Variants in SLC35A3 observed in about 807,000 individuals in gnomAD.
SLC35A3 encodes UDP-N-acetylglucosamine transporter.
A neutral mutation model predicts 39.0 loss-of-function variants in SLC35A3; 26 were observed. That is an observed-to-expected ratio of 0.67 (90% CI 0.49 to 0.92). The LOEUF (loss-of-function observed/expected upper bound fraction) is 0.92. Ranked by LOEUF, SLC35A3 falls within the 40% of genes least tolerant of loss-of-function variation. The probability of loss-of-function intolerance (pLI) is 0.00; values close to 1 mark genes in which losing one functional copy is unlikely to be tolerated. For missense variants in SLC35A3, 299 were observed against 371.6 expected, an observed-to-expected ratio of 0.80 and a Z score of 1.61; for synonymous variants, 135 against 133.1, an observed-to-expected ratio of 1.01 and a Z score of -0.10.
At chr1:100,015,475 G>C (rs761755395) in intron 6 of SLC35A3, 55 bp downstream of exon 6, 2 of 1,536,526 alleles carry the variant, frequency 1.3e-6, no homozygotes, top group Admixed American at 2.1e-5. Flanking sequence ...TTAATATAAA[G>C]AATCAAAGTA....
chr1:100,016,602 T>C (rs1186689793), intron 6 of SLC35A3, among the ~76,000 whole-genome samples: 2 of 151,482 alleles, frequency 1.3e-5, no homozygotes, highest in African/African-American at 2.4e-5. Context: ...TTTGATCTCC[T>C]GGCCTTGTGA....
At chr1:99,973,121 T>C (rs1164508584) in intron 1 of SLC35A3, among the ~76,000 whole-genome samples, 1 of 152,218 alleles carries the variant, frequency 6.6e-6, no homozygotes, top group Non-Finnish European at 1.5e-5. Context: ...CCATGAAATA[T>C]AACTTTTGAG....
rs1660862589 is a variant in SLC35A3 at position 100,025,534 on chromosome 1, A to G, written c.*3058A>G. 6.6e-6 allele frequency: 1 copy of G among 152,190 alleles called. No individual in the cohort carries two copies. The highest frequency in any genetic ancestry group is 2.1e-4 in the South Asian group (1 of 4,830). 9.4% of individuals were successfully genotyped at this position (152,190 alleles called of 1,614,324 possible). ...AAGCACAATTTTATTAGACAGGCATAATTTACATTTTGCTTTTCTAGTGGG... is the reference window on the plus strand; with the variant it reads ...AAGCACAATTTTATTAGACAGGCATGATTTACATTTTGCTTTTCTAGTGGG... On this transcript the variant is annotated 3_prime_UTR_variant, in exon 8 of 8. Transcript: ENST00000533028.
At chr1:99,973,690 T>C (rs973720183) in intron 1 of SLC35A3, among the ~76,000 whole-genome samples, 14 of 152,124 alleles carry the variant, frequency 9.2e-5, no homozygotes, top group African/African-American at 3.4e-4. Context: ...GTATGCTAGG[T>C]CAGGAAGCAT....
At chr1:99,973,639 A>G (rs1656938718) in intron 1 of SLC35A3, among the ~76,000 whole-genome samples, 1 of 152,230 alleles carries the variant, frequency 6.6e-6, no homozygotes, top group African/African-American at 2.4e-5. Context: ...CCAGTTTAAA[A>G]TAAGTTGCTG....
rs1570640619 is a variant in SLC35A3 at position 100,030,868 on chromosome 1, G to C, written c.*8392G>C. 1 of 152,198 alleles carries C rather than the reference G, an allele frequency of 6.6e-6. No homozygotes were observed. Among genetic ancestry groups the C allele is most frequent in the East Asian group, 1.9e-4 (1 of 5,186 alleles). 9.4% of individuals were successfully genotyped at this position (152,198 alleles called of 1,614,324 possible). On this transcript the variant is annotated 3_prime_UTR_variant, in exon 8 of 8. Transcript: ENST00000533028. ...TGCTTCAATAGGTCTTTTAAATATA[G>C]CCAAGGCAGGGTAATATTTCCTGAG...
At position 100,024,728 on chromosome 1, in the gene SLC35A3, C is replaced by T; in HGVS notation, c.*2252C>T. The T allele has an allele frequency of 2.5e-6, 1 of 395,492 alleles. No individual in the cohort carries two copies. The highest frequency in any genetic ancestry group is 4.4e-6 in the Non-Finnish European group (1 of 225,044). The allele number at this position is 395,492 out of a possible 1,614,324, so 24.5% of individuals were successfully genotyped here. ...CCCACTCCCTGGTTCAAGGGATTCT[C>T]CTGCCTCAGCCTCTGAGTAGCTGGG... is the stretch of plus-strand genomic sequence containing the variant. On this transcript the variant is annotated 3_prime_UTR_variant, in exon 8 of 8. Transcript: ENST00000533028.
chr1:99,986,257 C>T (rs905578416), intron 1 of SLC35A3, among the ~76,000 whole-genome samples: 5 of 151,048 alleles, frequency 3.3e-5, no homozygotes, highest in African/African-American at 9.7e-5. Flanking sequence ...CTCGACCTCC[C>T]GAGCTCAAGT....
In SLC35A3 at chr1:100,020,772, A is replaced by G. The variant is rs555473103; in HGVS notation, c.888-1614A>G. 2.0e-5 allele frequency among the ~76,000 whole-genome samples: 3 copies of G among 152,238 alleles called. No homozygotes were observed. The South Asian group carries it at 6.2e-4, about 32-fold the overall frequency. On this transcript the variant is annotated intron_variant, in intron 7 of 7. Transcript: ENST00000533028. ...TAGGGGAGTGAGTCTTGGAGACATT[A>G]GACCTGAATTATTATGAATAAGCAT...
chr1:99,971,313 T>G (rs544802904), intron 1 of SLC35A3, among the ~76,000 whole-genome samples: 1 of 150,882 alleles, frequency 6.6e-6, no homozygotes, highest in East Asian at 1.9e-4. Context: ...TATGATTCTT[T>G]TTTTTTTTTT....
intron 1 of SLC35A3, among the ~76,000 whole-genome samples, chr1:99,985,340 T>C (rs1657686624): frequency 1.3e-5 from 2 of 152,332 alleles, no homozygotes; most frequent in South Asian, 4.1e-4. Context: ...CCCCACTCTA[T>C]GTTTTTGTTT....
At chr1:100,010,635 A>G (rs1396500578) in intron 4 of SLC35A3, among the ~76,000 whole-genome samples, 2 of 152,142 alleles carry the variant, frequency 1.3e-5, no homozygotes, top group East Asian at 3.9e-4. Flanking sequence ...GGCTGCAATG[A>G]GCTGTTATCA....
chr1:99,999,254 T>A lies in SLC35A3; in HGVS notation c.188-7T>A. On this transcript the variant is annotated splice_region_variant and splice_polypyrimidine_tract_variant and intron_variant, in intron 2 of 7. Transcript: ENST00000533028. The stretch of plus-strand genomic sequence containing the variant: ...TAATTACTGATTTTTCTCATATTAT[T>A]TTCTAGAATGTAGTCTAAGAGCACT... The A allele has an allele frequency of 6.7e-7, 1 of 1,490,720 alleles. No homozygotes were observed. The highest frequency in any genetic ancestry group is 9.0e-7 in the Non-Finnish European group (1 of 1,114,046). The allele number at this position is 1,490,720 out of a possible 1,614,324, so 92.3% of individuals were successfully genotyped here.
At chr1:100,019,587 TGTA>T (rs1660390725) in intron 7 of SLC35A3, among the ~76,000 whole-genome samples, 1 of 152,222 alleles carries the variant, frequency 6.6e-6, no homozygotes, top group African/African-American at 2.4e-5. Context: ...CTATCCTAAA[TGTA>T]ATAATATATT....
At chr1:99,995,168 T>C (rs1221563760) in intron 2 of SLC35A3, among the ~76,000 whole-genome samples, 4 of 129,556 alleles carry the variant, frequency 3.1e-5, no homozygotes, top group South Asian at 2.3e-4. Flanking sequence ...TTCTTTTTTT[T>C]TCGAGACTGA....
chr1:99,997,678 T>C (rs1658504184), intron 2 of SLC35A3, among the ~76,000 whole-genome samples: 1 of 150,450 alleles, frequency 6.6e-6, no homozygotes. Context: ...CTGCTATGCC[T>C]TTTTTTCTAA....
intron 1 of SLC35A3, among the ~76,000 whole-genome samples, chr1:99,992,778 T>G (rs1658164330): frequency 6.6e-6 from 1 of 152,232 alleles, no homozygotes; most frequent in African/African-American, 2.4e-5. Flanking sequence ...TTTGGATTGT[T>G]TCCTGAACTT....
At chr1:100,010,150 G>A (rs484615) in intron 4 of SLC35A3, among the ~76,000 whole-genome samples, 8,945 of 152,166 alleles carry the variant, frequency 0.059, 342 homozygotes, top group African/African-American at 0.1. Context: ...TGAGGGTGAA[G>A]ATACAGAACA....
chr1:100,002,806 G>C lies in SLC35A3; in HGVS notation c.342+3391G>C, dbSNP rs528462701. Among the ~76,000 whole-genome samples the C allele has an allele frequency of 7.3e-5, 11 of 151,644 alleles. No homozygotes were observed. In the South Asian group the frequency reaches 2.3e-3, roughly 32 times the overall value. On this transcript the variant is annotated intron_variant, in intron 3 of 7. Coordinates refer to ENST00000533028, the MANE Select transcript of SLC35A3 (RefSeq NM_012243.3). Reference sequence around the variant, plus strand: ...AATTTTTTTTTTTTTGTAGAGACAGGGTCTTTTTATGTTGCCCAGGTTGGT... The same window carrying C: ...AATTTTTTTTTTTTTGTAGAGACAGCGTCTTTTTATGTTGCCCAGGTTGGT...
Sources: allele counts gnomAD v4.1 joint callset (sites outside exome capture counted in the v4.1 genomes callset), GRCh38; gene constraint gnomAD v4.1.1; transcripts MANE v1.5; gene names NCBI Gene and HGNC (gene_info 2026-07-23, HGNC 2026-07-21).